Variants in TMEM230 observed in about 807,000 individuals in gnomAD.
TMEM230 encodes the protein transmembrane protein 230, also known as UPF0414 transmembrane protein C20orf30.
A neutral mutation model predicts 15.8 loss-of-function variants in TMEM230; 10 were observed. That is an observed-to-expected ratio of 0.63 (90% confidence interval 0.39 to 1.07). The LOEUF (loss-of-function observed/expected upper bound fraction) is 1.07. TMEM230 is among the 50% of genes least tolerant of loss of function. TMEM230 has a pLI of 0.01. For synonymous variants in TMEM230, 67 were observed against 76.9 expected (o/e 0.87, Z 0.68); for missense variants, 165 against 193.3 (o/e 0.85, Z 0.87).
rs1018764418 is a variant in TMEM230 at position 5,077,706 on chromosome 20, C to T, written c.223-8357G>A. On this transcript the variant is annotated intron_variant, in intron 3 of 3. Coordinates refer to the TMEM230 transcript ENST00000612323. Reference sequence around the variant, plus strand: ...AAAATTAGCAGGGTGTGGTGGCAGGCGCCTGTAGTCCCAGCTACTTGGGTA... The same window carrying T: ...AAAATTAGCAGGGTGTGGTGGCAGGTGCCTGTAGTCCCAGCTACTTGGGTA... Among the ~76,000 whole-genome samples, 7 of 151,572 alleles carry T rather than the reference C, an allele frequency of 4.6e-5. No individual in the cohort carries two copies. In the East Asian group the frequency reaches 5.9e-4, roughly 13 times the overall value.
downstream of TMEM230, among the ~76,000 whole-genome samples, chr20:5,065,828 A>C (rs1464868429): frequency 6.6e-6 from 1 of 152,214 alleles, no homozygotes; most frequent in Non-Finnish European, 1.5e-5. Context: ...CGCCCCTGCC[A>C]TGCCAAACAC....
chr20:5,068,988 T>C (rs1010069306), exon 4 of TMEM230: 3 of 544,576 alleles, frequency 5.5e-6, no homozygotes, highest in Non-Finnish European at 9.7e-6. Flanking sequence ...AGGAGTTGCA[T>C]AGGGGGTAGA....
At chr20:5,106,773 A>G (rs1318146475) in intron 3 of TMEM230, among the ~76,000 whole-genome samples, 1 of 152,064 alleles carries the variant, frequency 6.6e-6, no homozygotes, top group East Asian at 1.9e-4. Context: ...TGGTGCAATT[A>G]CAGCTCATTG....
chr20:5,105,370 T>A (rs2090032119), intron 4 of TMEM230, among the ~76,000 whole-genome samples: 1 of 152,022 alleles, frequency 6.6e-6, no homozygotes, highest in Non-Finnish European at 1.5e-5. Flanking sequence ...GGTTCATGCC[T>A]GTAATCCCAA....
chr20:5,074,368 C>G (rs558443482), intron 3 of TMEM230, among the ~76,000 whole-genome samples: 131 of 152,140 alleles, frequency 8.6e-4, no homozygotes, highest in Non-Finnish European at 1.5e-3. Context: ...GTAAATGAAC[C>G]TTACTAGATA....
chr20:5,087,602 G>T lies in TMEM230; in HGVS notation c.223-18253C>A, dbSNP rs74444580. ...CTCTCCCCTGGCCTGGGTAGAGCCT[G>T]GCTTCCTGTCCCCTACCCTAGCTGG... On this transcript the variant is annotated intron_variant, in intron 3 of 3. Transcript: ENST00000612323. 7.0e-3 allele frequency among the ~76,000 whole-genome samples: 1,062 copies of T among 150,882 alleles called. 6 individuals are homozygous for T. The highest frequency in any genetic ancestry group is 0.024 in the African/African-American group (997 of 41,156).
At chr20:5,112,036 G>A (rs2090348157) in intron 1 of TMEM230, among the ~76,000 whole-genome samples, 1 of 152,004 alleles carries the variant, frequency 6.6e-6, no homozygotes, top group African/African-American at 2.4e-5. Flanking sequence ...TAGTAGAGAC[G>A]GGCTTCACCA....
intron 4 of TMEM230, among the ~76,000 whole-genome samples, chr20:5,105,814 A>C (rs2122775853): frequency 6.6e-6 from 1 of 151,868 alleles, no homozygotes; most frequent in East Asian, 2.0e-4. Flanking sequence ...TGAGGCAGGC[A>C]GACTGCTTGA....
chr20:5,086,715 T>G (rs1379157127), intron 3 of TMEM230, among the ~76,000 whole-genome samples: 1 of 151,802 alleles, frequency 6.6e-6, no homozygotes, highest in Admixed American at 6.6e-5. Flanking sequence ...TCTTTTTTTT[T>G]TTGAGGTAGG....
rs1297484667 is a variant in TMEM230 at position 5,111,725 on chromosome 20, A to C, written c.69-120T>G. On this transcript the variant is annotated intron_variant, in intron 1 of 4. Coordinates refer to ENST00000342308, the MANE Select transcript of TMEM230 (RefSeq NM_001009923.2). Reference sequence around the variant, plus strand: ...CTCTGGGATGGCATTTTTAAAATTCATCATTATCATCATCACAATAATGGT... The same window carrying C: ...CTCTGGGATGGCATTTTTAAAATTCCTCATTATCATCATCACAATAATGGT... 5 of 943,372 alleles carry C rather than the reference A, an allele frequency of 5.3e-6. No individual in the cohort carries two copies. The Admixed American group carries it at 3.1e-4, about 59-fold the overall frequency. The allele number at this position is 943,372 out of a possible 1,614,324, so 58.4% of individuals were successfully genotyped here.
At position 5,101,091 on chromosome 20, in the gene TMEM230, T is replaced by C. The variant is rs572455195; in HGVS notation, c.412-160A>G. 4.6e-5 allele frequency among the ~76,000 whole-genome samples: 7 copies of C among 152,176 alleles called. No individual in the cohort carries two copies. In the South Asian group the frequency reaches 1.2e-3, roughly 27 times the overall value. ...GAAAAGGTTTCCTCCTGATTATAAA[T>C]TGAAGACAAACTACAAAATATTAAC... is the stretch of plus-strand genomic sequence containing the variant. On this transcript the variant is annotated intron_variant, in intron 4 of 4. Transcript: ENST00000342308.
In TMEM230 at chr20:5,102,614, C is replaced by T. The variant is rs563049445; in HGVS notation, c.412-1683G>A. On this transcript the variant is annotated intron_variant, in intron 4 of 4. Transcript: ENST00000342308. ...GCTGAGGTGGCAGGATCACATAAGC[C>T]GGGGAGGCAAAGGTTGCAGTGAGCT... 2.7e-5 allele frequency among the ~76,000 whole-genome samples: 4 copies of T among 147,162 alleles called. No homozygotes were observed. In the South Asian group the frequency reaches 6.5e-4, roughly 24 times the overall value.
In TMEM230 at chr20:5,112,752, G is replaced by A. The variant is rs772273591; in HGVS notation, c.68+209C>T. 1.4e-3 allele frequency: 1,983 copies of A among 1,462,342 alleles called. 2 individuals carry two copies. Among genetic ancestry groups the A allele is most frequent in the Non-Finnish European group, 1.7e-3 (1,864 of 1,108,326 alleles). The allele number at this position is 1,462,342 out of a possible 1,614,324, so 90.6% of individuals were successfully genotyped here. A position where few individuals can be genotyped will look rare whatever the true frequency, so the allele number is the denominator to read the frequency against. ...TACGTTATTCTCCTACCCGTCTTCA[G>A]ACCTTGCCAGGGAGAGAAATAAGAA... On this transcript the variant is annotated intron_variant, in intron 1 of 4. Coordinates refer to ENST00000342308, the MANE Select transcript of TMEM230 (RefSeq NM_001009923.2).
At chr20:5,105,053 C>A (rs1309591941) in intron 4 of TMEM230, among the ~76,000 whole-genome samples, 2 of 152,200 alleles carry the variant, frequency 1.3e-5, no homozygotes, top group African/African-American at 4.8e-5. Flanking sequence ...AGGAGGCCCA[C>A]GCGGGCAGGC....
At chr20:5,097,088 G>A (rs2089685343), downstream of TMEM230, among the ~76,000 whole-genome samples, 2 of 152,136 alleles carry the variant, frequency 1.3e-5, no homozygotes, top group African/African-American at 2.4e-5. Flanking sequence ...TTTTAGAAAC[G>A]AAAAGAACTT....
chr20:5,077,289 C>G (rs1278710890), intron 3 of TMEM230, among the ~76,000 whole-genome samples: 3 of 151,912 alleles, frequency 2.0e-5, no homozygotes, highest in African/African-American at 4.8e-5. Flanking sequence ...GCCTAGGCAA[C>G]AGAGCAAGAC....
At chr20:5,062,896 G>T in the TMEM230 span, among the ~76,000 whole-genome samples, 9 of 152,164 alleles carry the variant, frequency 5.9e-5, no homozygotes, top group Non-Finnish European at 1.3e-4. Flanking sequence ...TTTATAGACT[G>T]AGCTATGAAG....
intron 3 of TMEM230, among the ~76,000 whole-genome samples, chr20:5,086,006 G>GT (rs2089326354): frequency 6.6e-6 from 1 of 152,150 alleles, no homozygotes. Flanking sequence ...CTTGACTTGG[G>GT]TAGTACATCC....
chr20:5,097,538 CCA>C (rs1277754665), downstream of TMEM230, among the ~76,000 whole-genome samples: 1 of 152,226 alleles, frequency 6.6e-6, no homozygotes, highest in East Asian at 1.9e-4. Flanking sequence ...CTTCTACTGT[CCA>C]TACCCACCTC....
Sources: gnomAD v4.1 joint callset for allele counts (sites outside exome capture counted in the v4.1 genomes callset) on GRCh38, gnomAD v4.1.1 for gene constraint, MANE v1.5 for transcripts, NCBI Gene and HGNC (gene_info 2026-07-23, HGNC 2026-07-21) for gene names.